The following DISC1 variants were observed in gnomAD, a reference collection of about 807,000 sequenced individuals.
DISC1 encodes the protein disrupted in schizophrenia 1 protein.
A neutral mutation model predicts 84.5 loss-of-function variants in DISC1; 57 were observed. The observed-to-expected ratio is 0.67, with a 90% CI of 0.55 to 0.84. The LOEUF is 0.84. Ranked by LOEUF, DISC1 falls within the 40% of genes least tolerant of loss-of-function variation. The probability of loss-of-function intolerance (pLI) is 0.00; values close to 1 mark genes in which losing one functional copy is unlikely to be tolerated. For missense variants in DISC1, 1,000 were observed against 1,057.8 expected, an observed-to-expected ratio of 0.95 and a Z score of 0.76; for synonymous variants, 411 against 415.2, an observed-to-expected ratio of 0.99 and a Z score of 0.12.
In DISC1 at chr1:231,908,987, A is replaced by G. The variant is rs139165256; in HGVS notation, c.1982-49841A>G. 5.4e-3 allele frequency among the ~76,000 whole-genome samples: 825 copies of G among 152,246 alleles called. 7 individuals carry two copies. The highest frequency in any genetic ancestry group is 0.018 in the African/African-American group (758 of 41,514). ...CTCTCTGTTTGTCTGTTATTGGTGT[A>G]TGGGAATGCTTGTGATTTTTGCACA... On this transcript the variant is annotated intron_variant, in intron 9 of 12. Coordinates refer to ENST00000439617, the MANE Select transcript of DISC1 (RefSeq NM_018662.3).
At chr1:231,749,070 G>C (rs1359893001) in intron 3 of DISC1, among the ~76,000 whole-genome samples, 1 of 152,206 alleles carries the variant, frequency 6.6e-6, no homozygotes, top group Admixed American at 6.5e-5. Context: ...TTCAATCTGA[G>C]CAGGGGATAC....
chr1:231,826,475 T>A lies in DISC1; in HGVS notation c.1981+7958T>A, dbSNP rs1475374018. On this transcript the variant is annotated intron_variant, in intron 9 of 12. Coordinates refer to ENST00000439617, the MANE Select transcript of DISC1 (RefSeq NM_018662.3). The surrounding 1 kb of genome is among the most constrained non-coding windows in gnomAD (Gnocchi z 4.2). ...TTGAAGTTTTCAAGCACCCTCCCTA[T>A]ATTTTGTGCCTGAGATGATGATCCA... 6.6e-6 allele frequency among the ~76,000 whole-genome samples: 1 copy of A among 152,122 alleles called. No individual in the cohort carries two copies. Among genetic ancestry groups the A allele is most frequent in the Non-Finnish European group, 1.5e-5 (1 of 68,020 alleles).
At position 232,038,873 on chromosome 1, in the gene DISC1, G is replaced by A. The variant is rs953230877; in HGVS notation, c.*2042G>A. The A allele has an allele frequency of 7.2e-5, 11 of 152,124 alleles. No individual in the cohort carries two copies. Among genetic ancestry groups the A allele is most frequent in the South Asian group, 2.1e-4 (1 of 4,822 alleles). The allele number at this position is 152,124 out of a possible 1,614,324, so 9.4% of individuals were successfully genotyped here. On this transcript the variant is annotated 3_prime_UTR_variant, in exon 13 of 13. Transcript: ENST00000439617. Reference sequence around the variant, plus strand: ...TGTCATTTCCTGAAGTCACACTGGCGTTTCCAGAAGGCATCTGGTGCTTTG... The same window carrying A: ...TGTCATTTCCTGAAGTCACACTGGCATTTCCAGAAGGCATCTGGTGCTTTG...
At chr1:231,832,033 G>T (rs2082269230) in intron 9 of DISC1, among the ~76,000 whole-genome samples, 1 of 151,962 alleles carries the variant, frequency 6.6e-6, no homozygotes, top group African/African-American at 2.4e-5. Context: ...AGGTGGATCA[G>T]AGAGATACAG....
rs760826510 is a variant in DISC1, at chr1:231,958,913, C to T, written c.2042+25C>T. On this transcript the variant is annotated intron_variant, in intron 10 of 12. Coordinates refer to ENST00000439617, the MANE Select transcript of DISC1 (RefSeq NM_018662.3). ...GGTAAGGATAATAATTTCTGTATTT[C>T]AGACTCCGTAGCACATCTAGATTCT... 3.1e-6 allele frequency: 5 copies of T among 1,608,778 alleles called. No individual in the cohort carries two copies. In the Middle Eastern group the frequency reaches 5.0e-4, roughly 160 times the overall value.
At chr1:231,911,998 C>G (rs1201721064) in intron 9 of DISC1, among the ~76,000 whole-genome samples, 1 of 152,146 alleles carries the variant, frequency 6.6e-6, no homozygotes, top group East Asian at 1.9e-4. Flanking sequence ...TCACATAGTT[C>G]TCGTACCATG....
chr1:231,721,533 A>G (rs2069704599), intron 3 of DISC1, among the ~76,000 whole-genome samples: 1 of 152,208 alleles, frequency 6.6e-6, no homozygotes, highest in Non-Finnish European at 1.5e-5. Context: ...ACCTTATACA[A>G]TGAAATGTTC....
In DISC1 at chr1:231,897,041, G is replaced by C. The variant is rs1405456395; in HGVS notation, c.1982-61787G>C. On this transcript the variant is annotated intron_variant, in intron 9 of 12. Transcript: ENST00000439617. This position sits in a 1 kb window ranked among gnomAD's most constrained non-coding sequence, Gnocchi z 4.5. ...ACATGATCAGACACGTGAACCCACG[G>C]GGCCAACACCACAGCAGGAGTGAAG... Among the ~76,000 whole-genome samples the C allele has an allele frequency of 6.6e-6, 1 of 152,188 alleles. No homozygotes were observed. The highest frequency in any genetic ancestry group is 1.5e-5 in the Non-Finnish European group (1 of 68,042).
chr1:231,632,524 A>G (rs1199160818), intron 1 of DISC1, among the ~76,000 whole-genome samples: 1 of 152,214 alleles, frequency 6.6e-6, no homozygotes, highest in African/African-American at 2.4e-5. Flanking sequence ...GATAAATCAT[A>G]TATTTATTGT....
rs1670687497 is a variant in DISC1, at chr1:232,039,359, G to A, written c.*2528G>A. ...TCAGACACCATCATGAAATAATTCT[G>A]TGAGGTCATGATGTATTTGAAAATT... On this transcript the variant is annotated 3_prime_UTR_variant, in exon 13 of 13. Transcript: ENST00000439617. 6.6e-6 allele frequency: 1 copy of A among 152,184 alleles called. No individual in the cohort carries two copies. The highest frequency in any genetic ancestry group is 2.4e-5 in the African/African-American group (1 of 41,444). The allele number at this position is 152,184 out of a possible 1,614,324, so 9.4% of individuals were successfully genotyped here.
chr1:232,009,094 G>A lies in DISC1; in HGVS notation c.2307+45G>A, dbSNP rs777719918. 4.3e-6 allele frequency: 7 copies of A among 1,612,374 alleles called. No individual in the cohort carries two copies. The Admixed American group carries it at 6.7e-5, about 15-fold the overall frequency. ...CCTCCAGAGGGGACCCTTATTCTAA[G>A]GGGTGCTTTGGGACCATGCTCCAAA... is the stretch of plus-strand genomic sequence containing the variant. On this transcript the variant is annotated intron_variant, in intron 11 of 12. Transcript: ENST00000439617. The surrounding 1 kb of genome is among the most constrained non-coding windows in gnomAD (Gnocchi z 4.6).
intron 1 of DISC1, among the ~76,000 whole-genome samples, chr1:231,670,065 T>C (rs934368521): frequency 1.3e-5 from 2 of 152,174 alleles, no homozygotes; most frequent in Non-Finnish European, 2.9e-5. Flanking sequence ...GATAGGGACC[T>C]GGATGGAGCG....
intron 9 of DISC1, chr1:231,855,411 G>T: frequency 1.0e-6 from 1 of 985,290 alleles, no homozygotes; most frequent in Non-Finnish European, 1.2e-6. Flanking sequence ...CACAGTGATA[G>T]AATGTTCCCC....
chr1:231,939,370 G>A (rs201133522), intron 9 of DISC1, among the ~76,000 whole-genome samples: 6 of 152,272 alleles, frequency 3.9e-5, no homozygotes, highest in Non-Finnish European at 8.8e-5. Context: ...AGCCTAACAC[G>A]AAGTCCTGTC....
intron 1 of DISC1, among the ~76,000 whole-genome samples, chr1:231,659,256 G>A (rs1397500982): frequency 2.0e-5 from 3 of 152,078 alleles, no homozygotes; most frequent in Non-Finnish European, 4.4e-5. Context: ...AGATTTTTTA[G>A]TCTATGTGCA....
chr1:231,903,933 G>C (rs2088412579), intron 9 of DISC1, among the ~76,000 whole-genome samples: 1 of 152,346 alleles, frequency 6.6e-6, no homozygotes, highest in East Asian at 1.9e-4. Flanking sequence ...AGAGACTATA[G>C]AGAGTCAGGC....
At chr1:231,734,800 A>C (rs1043809104) in intron 3 of DISC1, among the ~76,000 whole-genome samples, 5 of 152,224 alleles carry the variant, frequency 3.3e-5, no homozygotes, top group Non-Finnish European at 1.5e-5. Flanking sequence ...TCATCTCCAA[A>C]GGTTTGTTTT....
chr1:231,634,119 A>G (rs1204639170), intron 1 of DISC1, among the ~76,000 whole-genome samples: 1 of 152,098 alleles, frequency 6.6e-6, no homozygotes, highest in African/African-American at 2.4e-5. Flanking sequence ...CCTAAACTCA[A>G]GTGATCCGCC....
chr1:231,988,546 CA>C (rs1053105688), intron 10 of DISC1, among the ~76,000 whole-genome samples: 121 of 152,266 alleles, frequency 7.9e-4, no homozygotes, highest in African/African-American at 2.1e-3. Context: ...AAAGAGGGCC[CA>C]GGGGGCTCCC....
Sources: allele counts gnomAD v4.1 joint callset (sites outside exome capture counted in the v4.1 genomes callset), GRCh38; gene constraint gnomAD v4.1.1; non-coding constraint Gnocchi (gnomAD v3.1); transcripts MANE v1.5; gene names NCBI Gene and HGNC (gene_info 2026-07-23, HGNC 2026-07-21).